The following SLC30A8 variants were observed in gnomAD, a reference collection of about 807,000 sequenced individuals.
SLC30A8 encodes proton-coupled zinc antiporter SLC30A8.
A neutral mutation model predicts 36.9 loss-of-function variants in SLC30A8; 27 were observed. The observed-to-expected ratio is 0.73, with a 90% CI of 0.54 to 1.01. The LOEUF (loss-of-function observed/expected upper bound fraction) is 1.01. Ranked by LOEUF, SLC30A8 falls within the 50% of genes least tolerant of loss-of-function variation. The pLI, the probability that SLC30A8 is intolerant of heterozygous loss-of-function variation, is 0.00. For missense variants in SLC30A8, 439 were observed against 452.0 expected, an observed-to-expected ratio of 0.97 and a Z score of 0.26; for synonymous variants, 164 against 172.4, an observed-to-expected ratio of 0.95 and a Z score of 0.38.
chr8:117,123,357 T>C (rs560578756), intron 2 of SLC30A8, among the ~76,000 whole-genome samples: 2 of 152,134 alleles, frequency 1.3e-5, no homozygotes, highest in Admixed American at 1.3e-4. Context: ...GACATCAGAA[T>C]GAGACTAATG....
chr8:116,978,756 T>C (rs1375879255), intron 1 of SLC30A8, among the ~76,000 whole-genome samples: 1 of 152,142 alleles, frequency 6.6e-6, no homozygotes, highest in Non-Finnish European at 1.5e-5. Flanking sequence ...TTTCTGGAAA[T>C]TTTCTGAGAC....
At chr8:117,124,599 C>T (rs1820823261) in intron 2 of SLC30A8, among the ~76,000 whole-genome samples, 1 of 148,806 alleles carries the variant, frequency 6.7e-6, no homozygotes, top group Admixed American at 6.7e-5. Flanking sequence ...AACATGACCA[C>T]ATCCAATTTC....
chr8:117,001,611 T>C (rs1470731377), intron 1 of SLC30A8, among the ~76,000 whole-genome samples: 3 of 152,170 alleles, frequency 2.0e-5, no homozygotes, highest in Non-Finnish European at 2.9e-5. Context: ...ACTAGAATAG[T>C]TTTTTTCACG....
chr8:117,117,048 G>A (rs1166671180), intron 2 of SLC30A8, among the ~76,000 whole-genome samples: 1 of 151,854 alleles, frequency 6.6e-6, no homozygotes, highest in African/African-American at 2.4e-5. Flanking sequence ...AGACTAAAAA[G>A]GTAATGAAAA....
chr8:117,080,226 T>C (rs1321493368), intron 2 of SLC30A8, among the ~76,000 whole-genome samples: 1 of 152,222 alleles, frequency 6.6e-6, no homozygotes, highest in African/African-American at 2.4e-5. Context: ...AAGTAGAGCA[T>C]ACAGAAGCAA....
chr8:117,118,966 C>T (rs919882263), intron 2 of SLC30A8, among the ~76,000 whole-genome samples: 12 of 151,874 alleles, frequency 7.9e-5, no homozygotes, highest in African/African-American at 2.9e-4. Context: ...TTCCTATGGG[C>T]CTCTGAGACA....
chr8:117,108,142 A>T (rs1363624102), intron 2 of SLC30A8, among the ~76,000 whole-genome samples: 1 of 152,218 alleles, frequency 6.6e-6, no homozygotes, highest in Non-Finnish European at 1.5e-5. Flanking sequence ...TAATTAAAAC[A>T]TGTAAGATAA....
At chr8:117,008,343 T>C (rs951405186) in intron 1 of SLC30A8, among the ~76,000 whole-genome samples, 4 of 152,228 alleles carry the variant, frequency 2.6e-5, no homozygotes, top group Admixed American at 6.5e-5. Context: ...TTTCCTCTTA[T>C]AGGGAGAGGT....
intron 1 of SLC30A8, among the ~76,000 whole-genome samples, chr8:117,146,172 C>G (rs1232272072): frequency 6.6e-6 from 1 of 152,034 alleles, no homozygotes; most frequent in Non-Finnish European, 1.5e-5. Context: ...ATGGACATCT[C>G]AAGTTTACTG....
intron 2 of SLC30A8, among the ~76,000 whole-genome samples, chr8:117,092,540 A>G (rs796297991): frequency 3.9e-5 from 6 of 152,332 alleles, no homozygotes; most frequent in African/African-American, 1.2e-4. Flanking sequence ...TGATTACTAG[A>G]CTAATGATGT....
At chr8:117,155,535 TTAA>T (rs1806325464) in intron 3 of SLC30A8, among the ~76,000 whole-genome samples, 2 of 152,208 alleles carry the variant, frequency 1.3e-5, no homozygotes, top group Non-Finnish European at 2.9e-5. Context: ...TAGGGCTGCC[TTAA>T]TAATGTACTA....
chr8:117,169,355 C>T (rs1246330333), intron 6 of SLC30A8, among the ~76,000 whole-genome samples: 1 of 152,104 alleles, frequency 6.6e-6, no homozygotes, highest in African/African-American at 2.4e-5. Context: ...TTATATCCTG[C>T]TCAAGGTCAT....
At chr8:117,082,146 T>G (rs113140338) in intron 2 of SLC30A8, among the ~76,000 whole-genome samples, 2,219 of 152,326 alleles carry the variant, frequency 0.015, 70 homozygotes, top group African/African-American at 0.051. Flanking sequence ...ATTTAAAGAA[T>G]CAATAGTCTC....
intron 2 of SLC30A8, among the ~76,000 whole-genome samples, chr8:117,098,504 T>G (rs1446077568): frequency 6.6e-6 from 1 of 152,138 alleles, no homozygotes; most frequent in African/African-American, 2.4e-5. Flanking sequence ...GATGCGTGTC[T>G]GGGATAAACT....
At chr8:117,037,675 G>T (rs73314018) in intron 1 of SLC30A8, among the ~76,000 whole-genome samples, 1,824 of 152,168 alleles carry the variant, frequency 0.012, 40 homozygotes, top group African/African-American at 0.04. Context: ...GGGTTAAAAA[G>T]AAAATAAAAT....
chr8:117,013,823 A>C (rs1274801776), intron 1 of SLC30A8, among the ~76,000 whole-genome samples: 1 of 152,148 alleles, frequency 6.6e-6, no homozygotes, highest in African/African-American at 2.4e-5. Context: ...TTTTAGTTTT[A>C]CATAGAGATG....
At chr8:117,158,786 AT>A (rs1822632346) in intron 4 of SLC30A8, among the ~76,000 whole-genome samples, 1 of 88,864 alleles carries the variant, frequency 1.1e-5, no homozygotes, top group African/African-American at 5.2e-5. Flanking sequence ...CCATCCATCT[AT>A]CTATCTAGTG....
At chr8:117,139,073 G>T (rs1028738760) in intron 1 of SLC30A8, among the ~76,000 whole-genome samples, 8 of 152,100 alleles carry the variant, frequency 5.3e-5, no homozygotes, top group African/African-American at 1.9e-4. Context: ...CCAGCTAGAA[G>T]TTAAGCAAAG....
chr8:116,981,886 ATG>A (rs1472780039), intron 1 of SLC30A8, among the ~76,000 whole-genome samples: 3 of 152,172 alleles, frequency 2.0e-5, no homozygotes, highest in Non-Finnish European at 4.4e-5. Flanking sequence ...ATATGTGTGC[ATG>A]TGTCTTTATG....
Sources: allele counts gnomAD v4.1 joint callset (sites outside exome capture counted in the v4.1 genomes callset), GRCh38; gene constraint gnomAD v4.1.1; transcripts MANE v1.5; gene names NCBI Gene and HGNC (gene_info 2026-07-23, HGNC 2026-07-21).